The following JAZF1 variants were observed in gnomAD, a reference collection of about 807,000 sequenced individuals.
JAZF1 encodes the protein JAZF zinc finger 1, also known as juxtaposed with another zinc finger protein 1.
A neutral mutation model predicts 26.4 loss-of-function variants in JAZF1; 8 were observed. That is an observed-to-expected ratio of 0.30 (90% confidence interval 0.18 to 0.55). The LOEUF (loss-of-function observed/expected upper bound fraction) is 0.55. Ranked by LOEUF, JAZF1 falls within the 20% of genes least tolerant of loss-of-function variation. The pLI is 0.94. For missense variants in JAZF1, 199 were observed against 322.0 expected (o/e 0.62, Z 2.92); for synonymous variants, 126 against 122.3 (o/e 1.03, Z -0.20).
chr7:27,844,503 A>G (rs1322793157), intron 3 of JAZF1: 1 of 152,200 alleles, frequency 6.6e-6, no homozygotes, highest in Non-Finnish European at 1.5e-5. Context: ...TCTCCTAGCA[A>G]CACCCTCCCA....
At chr7:28,114,057 T>C (rs1220479664) in intron 1 of JAZF1, among the ~76,000 whole-genome samples, 1 of 152,250 alleles carries the variant, frequency 6.6e-6, no homozygotes, top group African/African-American at 2.4e-5. Flanking sequence ...TCTTCATTTC[T>C]TTTTAGAACA....
chr7:27,948,048 G>A (rs1784946036), intron 2 of JAZF1, among the ~76,000 whole-genome samples: 1 of 152,164 alleles, frequency 6.6e-6, no homozygotes, highest in Non-Finnish European at 1.5e-5. Flanking sequence ...GGGTGGGTGT[G>A]GCCTGCAGAT....
chr7:28,158,645 A>G (rs568061578), intron 1 of JAZF1, among the ~76,000 whole-genome samples: 7 of 152,306 alleles, frequency 4.6e-5, no homozygotes, highest in African/African-American at 1.4e-4. Context: ...GAATTCTCAG[A>G]TATAAAGGAG....
At chr7:28,046,396 G>A (rs1783496700) in intron 1 of JAZF1, among the ~76,000 whole-genome samples, 1 of 152,126 alleles carries the variant, frequency 6.6e-6, no homozygotes, top group South Asian at 2.1e-4. Flanking sequence ...TTTTCAGATG[G>A]CTGCATGGCA....
At chr7:28,002,317 T>C (rs1467111876) in intron 1 of JAZF1, among the ~76,000 whole-genome samples, 2 of 152,180 alleles carry the variant, frequency 1.3e-5, no homozygotes. Context: ...AAGATGACTA[T>C]GAAAGACGGG....
chr7:28,093,923 G>A (rs977248416), intron 1 of JAZF1, among the ~76,000 whole-genome samples: 1 of 152,212 alleles, frequency 6.6e-6, no homozygotes, highest in East Asian at 1.9e-4. Context: ...AGGGAGGGAA[G>A]AATGCATTCA....
rs1784024305 is a variant in JAZF1, at chr7:27,894,417, A to G, written c.385+803T>C. 2.0e-5 allele frequency among the ~76,000 whole-genome samples: 3 copies of G among 152,164 alleles called. No homozygotes were observed. The South Asian group carries it at 6.2e-4, about 31-fold the overall frequency. On this transcript the variant is annotated intron_variant, in intron 3 of 4. Coordinates refer to ENST00000283928, the MANE Select transcript of JAZF1 (RefSeq NM_175061.4). ...TTAAACAACTGAACTTTGTCTTCAGATTATTATAGGCTAATCCTAATGTGG... is the reference window on the plus strand; with the variant it reads ...TTAAACAACTGAACTTTGTCTTCAGGTTATTATAGGCTAATCCTAATGTGG...
chr7:28,011,524 A>C (rs1782798372), intron 1 of JAZF1, among the ~76,000 whole-genome samples: 1 of 152,252 alleles, frequency 6.6e-6, no homozygotes, highest in Non-Finnish European at 1.5e-5. Context: ...GAAAGGTGTC[A>C]TGATGAGAAC....
intron 1 of JAZF1, among the ~76,000 whole-genome samples, chr7:28,116,455 C>T (rs1434505104): frequency 1.3e-5 from 2 of 152,058 alleles, no homozygotes; most frequent in African/African-American, 4.8e-5. Context: ...CTCTCTCTCT[C>T]TTTTTTTCAG....
At chr7:27,906,047 C>T (rs542333197) in intron 2 of JAZF1, among the ~76,000 whole-genome samples, 13 of 152,028 alleles carry the variant, frequency 8.6e-5, no homozygotes, top group Non-Finnish European at 7.4e-5. Flanking sequence ...ATTATCATTG[C>T]GAAAAATTCA....
intron 2 of JAZF1, among the ~76,000 whole-genome samples, chr7:27,985,346 C>A (rs79890977): frequency 0.23 from 35,365 of 152,060 alleles, 4,517 homozygotes; most frequent in East Asian, 0.48. Flanking sequence ...TAAACTAGAA[C>A]ACCTAGAAGA....
At chr7:28,011,622 C>T (rs1205490295) in intron 1 of JAZF1, among the ~76,000 whole-genome samples, 1 of 152,168 alleles carries the variant, frequency 6.6e-6, no homozygotes, top group Admixed American at 6.5e-5. Context: ...ATTTTAAATT[C>T]TTCTAACACC....
At chr7:28,137,889 A>G (rs1160637793) in intron 1 of JAZF1, among the ~76,000 whole-genome samples, 1 of 152,188 alleles carries the variant, frequency 6.6e-6, no homozygotes, top group Non-Finnish European at 1.5e-5. Flanking sequence ...TGACAATCCT[A>G]TGGGTAGATA....
rs144452563 is a variant in JAZF1 at position 27,967,044 on chromosome 7, A to T, written c.188+24865T>A. On this transcript the variant is annotated intron_variant, in intron 2 of 4. Coordinates refer to ENST00000283928, the MANE Select transcript of JAZF1 (RefSeq NM_175061.4). ...AGAGATCTGAAAAGGCCCAACTACCATTTCTTATTACAGTCTCCTCTTCAT... is the reference window on the plus strand; with the variant it reads ...AGAGATCTGAAAAGGCCCAACTACCTTTTCTTATTACAGTCTCCTCTTCAT... 5.2e-3 allele frequency among the ~76,000 whole-genome samples: 789 copies of T among 152,302 alleles called. 11 individuals carry two copies. The highest frequency in any genetic ancestry group is 0.015 in the South Asian group (73 of 4,826).
intron 2 of JAZF1, among the ~76,000 whole-genome samples, chr7:27,957,088 G>A (rs1394182311): frequency 6.6e-6 from 1 of 152,124 alleles, no homozygotes; most frequent in Non-Finnish European, 1.5e-5. Context: ...TTCCCCCAGT[G>A]GCAAAGGCCT....
Position 27,831,293 on chromosome 7 carries a change from C to T in JAZF1, c.*1507G>A, listed in dbSNP as rs1782688275. The T allele has an allele frequency of 1.3e-5, 3 of 226,756 alleles. No individual in the cohort carries two copies. Among genetic ancestry groups the T allele is most frequent in the African/African-American group, 4.4e-5 (2 of 44,968 alleles). 14.0% of individuals were successfully genotyped at this position (226,756 alleles called of 1,614,324 possible). On this transcript the variant is annotated 3_prime_UTR_variant, in exon 5 of 5. Coordinates refer to ENST00000283928, the MANE Select transcript of JAZF1 (RefSeq NM_175061.4). ...TCTGAAAATTGAGGAGGGACCCCTG[C>T]TTCCCAGTTATATGTGATGTAAGAC...
At chr7:28,095,446 C>T (rs1278559013) in intron 1 of JAZF1, among the ~76,000 whole-genome samples, 1 of 152,062 alleles carries the variant, frequency 6.6e-6, no homozygotes, top group East Asian at 1.9e-4. Flanking sequence ...CTTACAAAGC[C>T]ATCAGATCTT....
At chr7:27,847,647 A>C (rs1783055400) in intron 3 of JAZF1, among the ~76,000 whole-genome samples, 1 of 152,072 alleles carries the variant, frequency 6.6e-6, no homozygotes, top group South Asian at 2.1e-4. Flanking sequence ...TCACAGTACC[A>C]TACTGTTTTG....
At chr7:27,846,404 C>CGTGTATATATACGTATACAT (rs1307075913) in intron 3 of JAZF1, 1 of 452,016 alleles carries the variant, frequency 2.2e-6, no homozygotes, top group Non-Finnish European at 4.6e-6. Context: ...TATACGTATA[C>CGTGTATATATACGTATACAT]ATGTATATAT....
Sources: allele counts gnomAD v4.1 joint callset (sites outside exome capture counted in the v4.1 genomes callset), GRCh38; gene constraint gnomAD v4.1.1; transcripts MANE v1.5; gene names NCBI Gene and HGNC (gene_info 2026-07-23, HGNC 2026-07-21).